Variants in TF observed in about 807,000 individuals in gnomAD.
TF encodes serotransferrin.
TF carries 55 observed loss-of-function variants against 82.4 expected under a neutral mutation model. That is an observed-to-expected ratio of 0.67 (90% CI 0.54 to 0.84). The LOEUF is 0.84. Ranked by LOEUF, TF falls within the 40% of genes least tolerant of loss-of-function variation. The pLI is 0.00. For missense variants in TF, 737 were observed against 868.4 expected, an observed-to-expected ratio of 0.85 and a Z score of 1.90; for synonymous variants, 332 against 332.6, an observed-to-expected ratio of 1.00 and a Z score of 0.02.
chr3:133,677,170 C>T, the TF span, among the ~76,000 whole-genome samples: 4 of 152,352 alleles, frequency 2.6e-5, no homozygotes, highest in East Asian at 7.7e-4. Context: ...AGAACTTTCT[C>T]TATTCGGTGA....
intron 9 of TF, chr3:133,762,321 T>C (rs1934016191): frequency 6.2e-6 from 1 of 160,494 alleles, no homozygotes. Context: ...TTACAGGAAC[T>C]TGAGAGTAGC....
At chr3:133,763,478 ATTTAG>A (rs1476762240) in intron 9 of TF, among the ~76,000 whole-genome samples, 3 of 152,202 alleles carry the variant, frequency 2.0e-5, no homozygotes, top group African/African-American at 7.2e-5. Flanking sequence ...GTCATTGAGC[ATTTAG>A]TTTAATTTTC....
the TF span, among the ~76,000 whole-genome samples, chr3:133,710,698 G>A: frequency 1.3e-5 from 2 of 152,066 alleles, no homozygotes; most frequent in Non-Finnish European, 2.9e-5. Context: ...TCCCTTCCAT[G>A]GTCTCAACCC....
chr3:133,738,778 G>A, the TF span, among the ~76,000 whole-genome samples: 5 of 152,156 alleles, frequency 3.3e-5, no homozygotes, highest in African/African-American at 7.2e-5. Context: ...ACCTCTTCAA[G>A]GAGAACTACA....
At chr3:133,764,435 C>T (rs1421650308) in intron 10 of TF, among the ~76,000 whole-genome samples, 160 bp downstream of exon 10, 2 of 152,196 alleles carry the variant, frequency 1.3e-5, no homozygotes, top group African/African-American at 4.8e-5. Context: ...TCTCAAATCC[C>T]CACAGTCATC....
At chr3:133,721,933 G>A in the TF span, among the ~76,000 whole-genome samples, 1 of 152,112 alleles carries the variant, frequency 6.6e-6, no homozygotes, top group African/African-American at 2.4e-5. Flanking sequence ...ATGCTGGAGT[G>A]CAGTGATACG....
chr3:133,759,361 C>G (rs1421678169), intron 9 of TF, 32 bp downstream of exon 9: 5 of 1,611,512 alleles, frequency 3.1e-6, no homozygotes, highest in Non-Finnish European at 4.2e-6. Context: ...AGGGCAGCGT[C>G]CCTGTCATTG....
chr3:133,773,021 T>C (rs570151094), intron 14 of TF: 1 of 152,336 alleles, frequency 6.6e-6, no homozygotes, highest in East Asian at 1.9e-4. Context: ...GCGGTATGAT[T>C]GAACCTGTCA....
chr3:133,692,465 C>T, the TF span, among the ~76,000 whole-genome samples: 7 of 152,274 alleles, frequency 4.6e-5, no homozygotes, highest in East Asian at 7.7e-4. Flanking sequence ...AGTGACATCA[C>T]GATGGCTGGG....
the TF span, among the ~76,000 whole-genome samples, chr3:133,715,985 A>C: frequency 6.6e-6 from 1 of 152,164 alleles, no homozygotes; most frequent in Non-Finnish European, 1.5e-5. Flanking sequence ...TACCAGCATC[A>C]CTGGCAGCCC....
the TF span, among the ~76,000 whole-genome samples, chr3:133,678,028 A>T: frequency 6.6e-6 from 1 of 152,146 alleles, no homozygotes; most frequent in African/African-American, 2.4e-5. Flanking sequence ...ACCTCCCAAC[A>T]GGCTCCGGTG....
At chr3:133,735,911 A>G in the TF span, among the ~76,000 whole-genome samples, 1 of 152,240 alleles carries the variant, frequency 6.6e-6, no homozygotes, top group Non-Finnish European at 1.5e-5. Flanking sequence ...AACTTCCCCA[A>G]CCTAGCAAGA....
At chr3:133,753,549 C>G in intron 2 of TF, 46 bp from the exon 3 acceptor site, 2 of 1,567,138 alleles carry the variant, frequency 1.3e-6, no homozygotes, top group Non-Finnish European at 1.8e-6. Context: ...GGTGGGCCTT[C>G]CTTGGAAGTC....
At chr3:133,756,494 G>C (rs1461967883) in intron 6 of TF, among the ~76,000 whole-genome samples, 157 bp downstream of exon 6, 1 of 152,084 alleles carries the variant, frequency 6.6e-6, no homozygotes, top group Non-Finnish European at 1.5e-5. Context: ...GTACCTACGG[G>C]GTCCCCATCT....
chr3:133,777,077 G>C lies in TF; in HGVS notation c.1901G>C (p.Cys634Ser). ...QHLFGSNVTD[C>S]SGNFCLFRSE... Reference sequence around the variant, plus strand: ...CTATTTGGAAGCAACGTAACTGACTGCTCGGGCAACTTTTGTTTGTTCCGG... The same window carrying C: ...CTATTTGGAAGCAACGTAACTGACTCCTCGGGCAACTTTTGTTTGTTCCGG... Residue 634 changes from cysteine (C) to serine (S), a missense_variant, in exon 16 of 17, where the codon TGC (cysteine) becomes TCC (serine). Physicochemically the swap from Cys to Ser is moderately radical, Grantham distance 112. Coordinates refer to ENST00000402696, the MANE Select transcript of TF (RefSeq NM_001063.4). 3 of 1,614,196 alleles carry C rather than the reference G, an allele frequency of 1.9e-6. No homozygotes were observed. Among genetic ancestry groups the C allele is most frequent in the Non-Finnish European group, 2.5e-6 (3 of 1,180,024 alleles).
At position 133,789,066 on chromosome 3, in the gene TF, C is replaced by G. The variant is rs1027950172; in HGVS notation, c.*10446C>G. The G allele has an allele frequency of 6.6e-6, 1 of 152,298 alleles. No homozygotes were observed. The highest frequency in any genetic ancestry group is 6.5e-5 in the Admixed American group (1 of 15,284). The allele number at this position is 152,298 out of a possible 1,614,324, so 9.4% of individuals were successfully genotyped here. A position where few individuals can be genotyped will look rare whatever the true frequency, so the allele number is the denominator to read the frequency against. On this transcript the variant is annotated 3_prime_UTR_variant, in exon 17 of 17. Transcript: ENST00000402696. The stretch of plus-strand genomic sequence containing the variant: ...AGCGGCACTGGTGCCCACGTAAGGT[C>G]AGAGATGCCTGACACTCTTAAGACT...
chr3:133,764,815 A>C, intron 10 of TF, 60 bp from the exon 11 acceptor site: 1 of 1,544,388 alleles, frequency 6.5e-7, no homozygotes, highest in South Asian at 1.2e-5. Flanking sequence ...AAAAAAAGGC[A>C]TGGTTTCCCA....
intron 8 of TF, among the ~76,000 whole-genome samples, chr3:133,758,417 A>G (rs1933899084): frequency 6.6e-6 from 1 of 152,224 alleles, no homozygotes; most frequent in Admixed American, 6.5e-5. Flanking sequence ...TTGAACATCT[A>G]GCCATATGCT....
chr3:133,746,062 G>A (rs193089803), upstream of TF: 6 of 398,588 alleles, frequency 1.5e-5, no homozygotes, highest in Non-Finnish European at 2.4e-5. Flanking sequence ...AGGACTGGTG[G>A]CACGGACCAG....
Sources: gnomAD v4.1 joint callset for allele counts (sites outside exome capture counted in the v4.1 genomes callset) on GRCh38, gnomAD v4.1.1 for gene constraint, MANE v1.5 for transcripts, NCBI Gene and HGNC (gene_info 2026-07-23, HGNC 2026-07-21) for gene names.